The following NPAS3 variants were observed in gnomAD, a reference collection of about 807,000 sequenced individuals.
NPAS3 encodes neuronal PAS domain protein 3, also known as neuronal PAS domain-containing protein 3.
NPAS3 carries 14 observed loss-of-function variants against 73.1 expected under a neutral mutation model. That is an observed-to-expected ratio of 0.19 (90% CI 0.13 to 0.30). NPAS3 has a LOEUF of 0.30. Ranked by LOEUF, NPAS3 falls within the 10% of genes least tolerant of loss-of-function variation. The probability of loss-of-function intolerance (pLI) is 1.00; values close to 1 mark genes in which losing one functional copy is unlikely to be tolerated. For synonymous variants in NPAS3, 620 were observed against 541.5 expected (o/e 1.14, Z -2.01); for missense variants, 1,096 against 1,250.0 (o/e 0.88, Z 1.86).
chr14:33,002,000 AC>A (rs2038824825), intron 1 of NPAS3, among the ~76,000 whole-genome samples: 1 of 152,090 alleles, frequency 6.6e-6, no homozygotes, highest in African/African-American at 2.4e-5. Flanking sequence ...GCTAATTCTG[AC>A]CCTGGAGAAT....
intron 2 of NPAS3, among the ~76,000 whole-genome samples, chr14:33,135,384 G>A (rs2088357713): frequency 6.6e-6 from 1 of 152,100 alleles, no homozygotes; most frequent in Non-Finnish European, 1.5e-5. Context: ...ATACTGTTTG[G>A]AACTCATCAC....
In NPAS3 at chr14:33,248,215, A is replaced by G. The variant is rs952782264; in HGVS notation, c.385+32789A>G. On this transcript the variant is annotated intron_variant, in intron 3 of 11. Coordinates refer to ENST00000356141, the Ensembl canonical transcript of NPAS3. ...CCTAAAGGCAACATAACTTTGTATC[A>G]GCTGCAGGATTGTGTATGTTGCTGG... 1.4e-4 allele frequency among the ~76,000 whole-genome samples: 21 copies of G among 152,334 alleles called. 1 individual carries two copies. In the Middle Eastern group the frequency reaches 0.017, roughly 123 times the overall value.
At chr14:33,010,949 A>G (rs2039170782) in intron 1 of NPAS3, among the ~76,000 whole-genome samples, 1 of 94,422 alleles carries the variant, frequency 1.1e-5, no homozygotes, top group African/African-American at 2.8e-5. Context: ...AAAAAAAAAA[A>G]AAAAAAGAAA....
chr14:33,200,576 G>C (rs2046577084), intron 2 of NPAS3, among the ~76,000 whole-genome samples: 1 of 92,850 alleles, frequency 1.1e-5, no homozygotes, highest in Admixed American at 9.9e-5. Context: ...CTAAACCACA[G>C]GTTGCTAATT....
At chr14:33,729,756 C>T (rs147158163) in intron 6 of NPAS3, among the ~76,000 whole-genome samples, 3 of 152,218 alleles carry the variant, frequency 2.0e-5, no homozygotes, top group Admixed American at 2.0e-4. Flanking sequence ...TCGATTCCAC[C>T]ATATGCTCAT....
chr14:32,941,936 A>C (rs1201671912), intron 1 of NPAS3, among the ~76,000 whole-genome samples: 1 of 152,222 alleles, frequency 6.6e-6, no homozygotes, highest in African/African-American at 2.4e-5. Flanking sequence ...TAAACATTAC[A>C]CATGTAAGTT....
intron 1 of NPAS3, among the ~76,000 whole-genome samples, chr14:32,975,683 T>C (rs2037636397): frequency 6.6e-6 from 1 of 152,208 alleles, no homozygotes; most frequent in African/African-American, 2.4e-5. Flanking sequence ...ATACATGTTT[T>C]AGTAGAGGAA....
chr14:33,657,098 A>C (rs1163318016), intron 5 of NPAS3, among the ~76,000 whole-genome samples: 1 of 152,228 alleles, frequency 6.6e-6, no homozygotes, highest in Non-Finnish European at 1.5e-5. Context: ...CGCTAAGTGA[A>C]ATAACAGCAG....
At chr14:33,668,328 C>T (rs1464527757) in intron 5 of NPAS3, among the ~76,000 whole-genome samples, 1 of 152,160 alleles carries the variant, frequency 6.6e-6, no homozygotes, top group Non-Finnish European at 1.5e-5. Flanking sequence ...ATGATTTGTG[C>T]ATTTTATTGT....
At position 33,120,872 on chromosome 14, in the gene NPAS3, A is replaced by G. The variant is rs563584769; in HGVS notation, c.140+64878A>G. 7.9e-5 allele frequency among the ~76,000 whole-genome samples: 12 copies of G among 152,228 alleles called. No individual in the cohort carries two copies. The East Asian group carries it at 2.1e-3, about 27-fold the overall frequency. On this transcript the variant is annotated intron_variant, in intron 2 of 11. Transcript: ENST00000356141. Reference sequence around the variant, plus strand: ...TATTTTAGGACCTGCTAGTAGCAGGACGCCTTAGCACTATTTTCATTCTTC... The same window carrying G: ...TATTTTAGGACCTGCTAGTAGCAGGGCGCCTTAGCACTATTTTCATTCTTC...
chr14:33,690,528 A>C (rs1201469459), intron 6 of NPAS3, among the ~76,000 whole-genome samples: 2 of 152,152 alleles, frequency 1.3e-5, no homozygotes, highest in Non-Finnish European at 2.9e-5. Flanking sequence ...TGAGCCATCC[A>C]GTCGCTCCTG....
intron 2 of NPAS3, 66 bp from the exon 3 acceptor site, chr14:33,215,116 A>G: frequency 6.7e-7 from 1 of 1,482,764 alleles, no homozygotes; most frequent in Admixed American, 2.0e-5. Context: ...ATACAAAGAA[A>G]GCAGTATTTG....
At chr14:33,723,225 C>T (rs2140558435) in intron 6 of NPAS3, among the ~76,000 whole-genome samples, 1 of 152,200 alleles carries the variant, frequency 6.6e-6, no homozygotes, top group Admixed American at 6.5e-5. Flanking sequence ...GTATCTTGGG[C>T]CAATCTTCTA....
intron 1 of NPAS3, among the ~76,000 whole-genome samples, chr14:32,948,001 T>G (rs2036330609): frequency 6.6e-6 from 1 of 152,148 alleles, no homozygotes; most frequent in Non-Finnish European, 1.5e-5. Context: ...GCTGCTACTA[T>G]AACCTGCAGA....
intron 1 of NPAS3, among the ~76,000 whole-genome samples, chr14:32,967,464 A>C (rs1013855272): frequency 6.6e-6 from 1 of 152,178 alleles, no homozygotes. Flanking sequence ...GCATTGTTCA[A>C]GGTTCAACTG....
At chr14:33,414,689 A>G (rs2138949494) in intron 4 of NPAS3, among the ~76,000 whole-genome samples, 1 of 152,282 alleles carries the variant, frequency 6.6e-6, no homozygotes. Flanking sequence ...CAAAGCAAAT[A>G]CTATAAATAT....
At chr14:33,725,598 C>T (rs1192612693) in intron 6 of NPAS3, among the ~76,000 whole-genome samples, 1 of 152,046 alleles carries the variant, frequency 6.6e-6, no homozygotes, top group Non-Finnish European at 1.5e-5. Context: ...TACTGCCTAC[C>T]TCTCTCATGT....
chr14:33,719,529 T>G (rs917741651), intron 6 of NPAS3, among the ~76,000 whole-genome samples: 1 of 152,240 alleles, frequency 6.6e-6, no homozygotes, highest in African/African-American at 2.4e-5. Context: ...ATATATTTTC[T>G]AAATACATAT....
upstream of NPAS3, among the ~76,000 whole-genome samples, chr14:32,938,486 TGA>T (rs369330767): frequency 0.011 from 632 of 55,908 alleles, 27 homozygotes; most frequent in African/African-American, 0.029. Context: ...AGAGAGAAAT[TGA>T]GAGAGAGAGA....
Sources: allele counts gnomAD v4.1 joint callset (sites outside exome capture counted in the v4.1 genomes callset), GRCh38; gene constraint gnomAD v4.1.1; transcripts MANE v1.5; gene names NCBI Gene and HGNC (gene_info 2026-07-23, HGNC 2026-07-21).